ACOX2: variants seen among roughly 807,000 people sequenced by gnomAD.
ACOX2 encodes the protein peroxisomal acyl-coenzyme A oxidase 2.
ACOX2 carries 59 observed loss-of-function variants against 77.5 expected under a neutral mutation model. That is an observed-to-expected ratio of 0.76 (90% CI 0.62 to 0.95). The LOEUF is 0.95. Ranked by LOEUF, ACOX2 falls within the 40% of genes least tolerant of loss-of-function variation. ACOX2 has a pLI of 0.00. For synonymous variants in ACOX2, 317 were observed against 340.1 expected (o/e 0.93, Z 0.75); for missense variants, 837 against 880.4 (o/e 0.95, Z 0.62).
chr3:58,506,021 C>T (rs1217040129), intron 14 of ACOX2, among the ~76,000 whole-genome samples: 1 of 152,140 alleles, frequency 6.6e-6, no homozygotes, highest in Non-Finnish European at 1.5e-5. Context: ...AAACTCCTAA[C>T]CTCAAGTGAT....
At chr3:58,513,151 T>C (rs747212687) in intron 13 of ACOX2, among the ~76,000 whole-genome samples, 1 of 152,138 alleles carries the variant, frequency 6.6e-6, no homozygotes, top group Non-Finnish European at 1.5e-5. Flanking sequence ...CATTCTTTCC[T>C]CCACTTCCTG....
chr3:58,507,401 A>T (rs1257925993), intron 14 of ACOX2, among the ~76,000 whole-genome samples: 1 of 152,234 alleles, frequency 6.6e-6, no homozygotes, highest in African/African-American at 2.4e-5. Context: ...TTAGATAAAC[A>T]TGTTCTCATG....
rs1431801134 is a variant in ACOX2 at position 58,525,809 on chromosome 3, G to A, written c.1346+657C>T. On this transcript the variant is annotated intron_variant, in intron 10 of 14. Transcript: ENST00000302819. The surrounding 1 kb of genome is among the most constrained non-coding windows in gnomAD (Gnocchi z 5.0). ...AGGCTAAGGCAGGTGGATCACCTGA[G>A]GTCAGGAGTTGGAGAGCAGCCTGGC... 6.6e-6 allele frequency among the ~76,000 whole-genome samples: 1 copy of A among 152,138 alleles called. No individual in the cohort carries two copies. Among genetic ancestry groups the A allele is most frequent in the Non-Finnish European group, 1.5e-5 (1 of 68,020 alleles).
rs147492752 is a variant in ACOX2, at chr3:58,519,338, C to T, written c.1633-1915G>A. ...GGTGGAGGTTGCAGTGAGCTGAGAC[C>T]GTGCCACTGCACTCCAGCCTGGGTG... On this transcript the variant is annotated intron_variant, in intron 12 of 14. Coordinates refer to ENST00000302819, the MANE Select transcript of ACOX2 (RefSeq NM_003500.4). This position sits in a 1 kb window ranked among gnomAD's most constrained non-coding sequence, Gnocchi z 5.0. 3.5e-4 allele frequency among the ~76,000 whole-genome samples: 53 copies of T among 151,844 alleles called. No individual in the cohort carries two copies. Among genetic ancestry groups the T allele is most frequent in the African/African-American group, 1.3e-3 (52 of 41,384 alleles).
At position 58,521,728 on chromosome 3, in the gene ACOX2, C is replaced by T. The variant is rs935759762; in HGVS notation, c.1632+768G>A. Among the ~76,000 whole-genome samples the T allele has an allele frequency of 6.6e-6, 1 of 152,220 alleles. No homozygotes were observed. The highest frequency in any genetic ancestry group is 2.4e-5 in the African/African-American group (1 of 41,448). ...AACTTTTCACAGTGGTGCAAAAGGT[C>T]AGAGGCCTTGCCTGTCTCTCCTTCT... On this transcript the variant is annotated intron_variant, in intron 12 of 14. Coordinates refer to ENST00000302819, the MANE Select transcript of ACOX2 (RefSeq NM_003500.4). This position sits in a 1 kb window ranked among gnomAD's most constrained non-coding sequence, Gnocchi z 4.8.
At chr3:58,513,997 G>A (rs968911162) in intron 13 of ACOX2, among the ~76,000 whole-genome samples, 2 of 152,148 alleles carry the variant, frequency 1.3e-5, no homozygotes, top group Non-Finnish European at 2.9e-5. Flanking sequence ...TGGGAAAAAA[G>A]GTCTGGGGGA....
chr3:58,524,330 T>G lies in ACOX2; in HGVS notation c.1526+96A>C. The G allele has an allele frequency of 1.4e-6, 2 of 1,479,526 alleles. No homozygotes were observed. Among genetic ancestry groups the G allele is most frequent in the South Asian group, 2.6e-5 (2 of 76,524 alleles). 91.6% of individuals were successfully genotyped at this position (1,479,526 alleles called of 1,614,324 possible). A position where few individuals can be genotyped will look rare whatever the true frequency, so the allele number is the denominator to read the frequency against. On this transcript the variant is annotated intron_variant, in intron 11 of 14. Coordinates refer to ENST00000302819, the MANE Select transcript of ACOX2 (RefSeq NM_003500.4). This position sits in a 1 kb window ranked among gnomAD's most constrained non-coding sequence, Gnocchi z 5.5. ...CTAGGCATGGGGTGGTTTTTAGAAC[T>G]GAATCCACGAATGTCCACCCAACCA...
rs1392332839 is a variant in ACOX2, at chr3:58,534,687, G to A, written c.161-165C>T. On this transcript the variant is annotated intron_variant, in intron 2 of 14. Coordinates refer to ENST00000302819, the MANE Select transcript of ACOX2 (RefSeq NM_003500.4). This position sits in a 1 kb window ranked among gnomAD's most constrained non-coding sequence, Gnocchi z 4.8. ...CAAGGTGGGAAAGTGAATTGCCCAA[G>A]GTTACAAAGCTATGCAGTGGCAGAA... The A allele has an allele frequency of 1.3e-6, 2 of 1,498,064 alleles. No homozygotes were observed. Among genetic ancestry groups the A allele is most frequent in the Non-Finnish European group, 1.8e-6 (2 of 1,108,294 alleles). The allele number at this position is 1,498,064 out of a possible 1,614,324, so 92.8% of individuals were successfully genotyped here.
chr3:58,528,723 C>T lies in ACOX2; in HGVS notation c.1155+71G>A. On this transcript the variant is annotated intron_variant, in intron 9 of 14. Coordinates refer to ENST00000302819, the MANE Select transcript of ACOX2 (RefSeq NM_003500.4). This position sits in a 1 kb window ranked among gnomAD's most constrained non-coding sequence, Gnocchi z 5.6. Reference sequence around the variant, plus strand: ...GCCCATGGGGATGGGGCTGTGGCTGCTCCCCAGTGAGTGGAACAATCTTAG... The same window carrying T: ...GCCCATGGGGATGGGGCTGTGGCTGTTCCCCAGTGAGTGGAACAATCTTAG... 2 of 1,484,514 alleles carry T rather than the reference C, an allele frequency of 1.3e-6. No homozygotes were observed. Among genetic ancestry groups the T allele is most frequent in the Non-Finnish European group, 1.8e-6 (2 of 1,115,428 alleles). The allele number at this position is 1,484,514 out of a possible 1,614,324, so 92.0% of individuals were successfully genotyped here.
At chr3:58,530,906 G>A (rs187662859) in intron 7 of ACOX2, among the ~76,000 whole-genome samples, 20 of 152,332 alleles carry the variant, frequency 1.3e-4, no homozygotes, top group Admixed American at 1.1e-3. Context: ...CTGGCATTCT[G>A]GCTGGTATCT....
Position 58,534,336 on chromosome 3 carries a change from T to C in ACOX2, c.323+24A>G. 1 of 1,613,344 alleles carries C rather than the reference T, an allele frequency of 6.2e-7. No individual in the cohort carries two copies. The highest frequency in any genetic ancestry group is 8.5e-7 in the Non-Finnish European group (1 of 1,179,546). ...TGATCCCAGGTAGATCCCTCTCTAG[T>C]GGGGCTGCTCGAGGAGTGAGCACCT... On this transcript the variant is annotated intron_variant, in intron 3 of 14. Transcript: ENST00000302819. This position sits in a 1 kb window ranked among gnomAD's most constrained non-coding sequence, Gnocchi z 4.8.
chr3:58,529,491 C>T (rs781398494), intron 8 of ACOX2, among the ~76,000 whole-genome samples: 13 of 152,154 alleles, frequency 8.5e-5, no homozygotes, highest in Non-Finnish European at 1.9e-4. Flanking sequence ...TTTAGGAGCT[C>T]GCAGTAACTG....
Position 58,524,710 on chromosome 3 carries a change from C to T in ACOX2, c.1347-105G>A. The T allele has an allele frequency of 7.8e-7, 1 of 1,287,794 alleles. No homozygotes were observed. The highest frequency in any genetic ancestry group is 1.1e-6 in the Non-Finnish European group (1 of 942,486). The allele number at this position is 1,287,794 out of a possible 1,614,324, so 79.8% of individuals were successfully genotyped here. A position where few individuals can be genotyped will look rare whatever the true frequency, so the allele number is the denominator to read the frequency against. ...CAAGCTCATGCTAGGTTCCAGCCTT[C>T]CCGTGGGAGAGCCAGGTCACCAGGC... On this transcript the variant is annotated intron_variant, in intron 10 of 14. Transcript: ENST00000302819. This position sits in a 1 kb window ranked among gnomAD's most constrained non-coding sequence, Gnocchi z 5.5.
At chr3:58,516,319 T>C (rs1235297446) in intron 13 of ACOX2, among the ~76,000 whole-genome samples, 1 of 152,192 alleles carries the variant, frequency 6.6e-6, no homozygotes, top group African/African-American at 2.4e-5. Flanking sequence ...ACCTCAACCT[T>C]AACCTTAACA....
chr3:58,516,769 A>G (rs775222488), intron 13 of ACOX2, among the ~76,000 whole-genome samples: 7 of 152,152 alleles, frequency 4.6e-5, no homozygotes, highest in Non-Finnish European at 8.8e-5. Flanking sequence ...ACCCAGAGGC[A>G]GAGGTTGCAA....
chr3:58,509,765 C>T (rs1327200627), intron 13 of ACOX2, among the ~76,000 whole-genome samples: 1 of 151,630 alleles, frequency 6.6e-6, no homozygotes, highest in Non-Finnish European at 1.5e-5. Context: ...GCCACCATGC[C>T]TGGCTGATTT....
rs570661900 is a variant in ACOX2 at position 58,531,626 on chromosome 3, C to G, written c.703+67G>C. 268 of 1,578,530 alleles carry G rather than the reference C, an allele frequency of 1.7e-4. 3 individuals are homozygous for G. The African/African-American group carries it at 3.3e-3, about 19-fold the overall frequency. On this transcript the variant is annotated intron_variant, in intron 6 of 14. Transcript: ENST00000302819. The surrounding 1 kb of genome is among the most constrained non-coding windows in gnomAD (Gnocchi z 5.8). Reference sequence around the variant, plus strand: ...GCTACTCCTGTGGCCCTCTGGGGCCCCAGGTCAGGGAGGCCACCTGGGCTC... The same window carrying G: ...GCTACTCCTGTGGCCCTCTGGGGCCGCAGGTCAGGGAGGCCACCTGGGCTC...
At position 58,524,558 on chromosome 3, in the gene ACOX2, G is replaced by A. The variant is rs1317973851; in HGVS notation, c.1394C>T (p.Thr465Met). 3.7e-6 allele frequency: 6 copies of A among 1,614,202 alleles called. No individual in the cohort carries two copies. The highest frequency in any genetic ancestry group is 2.2e-5 in the East Asian group (1 of 44,886). The stretch of plus-strand genomic sequence containing the variant: ...AGATGGAGAGAGAGATCTCTGTGGC[G>A]TGGAGCCAGGGGACATCTGAGTCTG... Reference protein sequence around the residue: ...YLQTQMSPGSTPQRSLSPSVA... With the variant: ...YLQTQMSPGSMPQRSLSPSVA... Residue 465 changes from threonine to methionine, a missense_variant, in exon 11 of 15, where the codon ACG (threonine) becomes ATG (methionine). Physicochemically the swap from Thr to Met is moderately conservative, Grantham distance 81. Transcript: ENST00000302819. This position sits in a 1 kb window ranked among gnomAD's most constrained non-coding sequence, Gnocchi z 5.5.
chr3:58,532,365 T>C (rs7638793), intron 5 of ACOX2, among the ~76,000 whole-genome samples: 31,095 of 151,806 alleles, frequency 0.2, 5,469 homozygotes, highest in African/African-American at 0.48. Context: ...CTCTCTCTCT[T>C]TTTTTTTCTT....
Sources: gnomAD v4.1 joint callset for allele counts (sites outside exome capture counted in the v4.1 genomes callset) on GRCh38, gnomAD v4.1.1 for gene constraint, Gnocchi (gnomAD v3.1) non-coding constraint, MANE v1.5 for transcripts, NCBI Gene and HGNC (gene_info 2026-07-23, HGNC 2026-07-21) for gene names.